The following AGBL1 variants were observed in gnomAD, a reference collection of about 807,000 sequenced individuals.
AGBL1 encodes AGBL carboxypeptidase 1, also known as cytosolic carboxypeptidase 4.
Under a neutral mutation model 118.9 loss-of-function variants are expected in AGBL1, and 130 were observed. That is an observed-to-expected ratio of 1.09 (90% confidence interval 0.95 to 1.26). The LOEUF (loss-of-function observed/expected upper bound fraction) is 1.26, where lower values mean the gene tolerates loss of function less well. Among genes scored for constraint, AGBL1 ranks in the 50% most tolerant of loss-of-function variants. The pLI is 0.00. For synonymous variants in AGBL1, 555 were observed against 478.9 expected (o/e 1.16, Z -2.08); for missense variants, 1,584 against 1,298.1 (o/e 1.22, Z -3.38).
chr15:86,970,639 GC>G (rs1347185808), intron 23 of AGBL1, among the ~76,000 whole-genome samples: 2 of 151,904 alleles, frequency 1.3e-5, no homozygotes, highest in Non-Finnish European at 2.9e-5. Context: ...TAATGCAGAA[GC>G]AATATGTGAT....
chr15:86,223,868 C>CT (rs1363140183), intron 5 of AGBL1, among the ~76,000 whole-genome samples: 4 of 152,152 alleles, frequency 2.6e-5, no homozygotes, highest in Non-Finnish European at 5.9e-5. Flanking sequence ...TCAGTATTAG[C>CT]TAATATATTG....
intron 22 of AGBL1, among the ~76,000 whole-genome samples, chr15:86,700,238 T>C (rs2086332644): frequency 6.6e-6 from 1 of 152,020 alleles, no homozygotes; most frequent in African/African-American, 2.4e-5. Flanking sequence ...TCCTAAATGT[T>C]GATAGTGGGA....
At chr15:86,208,821 C>T (rs769247213) in intron 5 of AGBL1, among the ~76,000 whole-genome samples, 71 of 152,138 alleles carry the variant, frequency 4.7e-4, no homozygotes, top group African/African-American at 1.6e-3. Flanking sequence ...CTATCTCCTT[C>T]GGTTCTGCTC....
At chr15:86,923,793 C>T (rs940358760) in intron 23 of AGBL1, among the ~76,000 whole-genome samples, 8 of 152,020 alleles carry the variant, frequency 5.3e-5, no homozygotes, top group African/African-American at 1.9e-4. Context: ...TATTATTTTC[C>T]TCATTATATG....
intron 22 of AGBL1, among the ~76,000 whole-genome samples, chr15:86,862,761 C>T (rs1264570258): frequency 6.6e-6 from 1 of 152,108 alleles, no homozygotes; most frequent in African/African-American, 2.4e-5. Flanking sequence ...AAACAAAGTT[C>T]TTTTTACCAT....
At chr15:86,923,546 C>A (rs193165891) in intron 23 of AGBL1, among the ~76,000 whole-genome samples, 1 of 152,194 alleles carries the variant, frequency 6.6e-6, no homozygotes, top group Non-Finnish European at 1.5e-5. Context: ...TATCCATGAA[C>A]GCTTAAAGCA....
rs1440745473 is a variant in AGBL1 at position 86,908,145 on chromosome 15, T to C, written c.*851T>C. ...AGTTTTCTTATATATAAAATGTGGA[T>C]AAGTATATCTATATCATAAAATTAT... is the stretch of plus-strand genomic sequence containing the variant. On this transcript the variant is annotated 3_prime_UTR_variant, in exon 23 of 23. Coordinates refer to ENST00000614907, the MANE Select transcript of AGBL1 (RefSeq NM_001386094.1). The C allele has an allele frequency of 1.3e-5, 2 of 152,182 alleles. No homozygotes were observed. The highest frequency in any genetic ancestry group is 2.9e-5 in the Non-Finnish European group (2 of 68,030). 9.4% of individuals were successfully genotyped at this position (152,182 alleles called of 1,614,324 possible). A position where few individuals can be genotyped will look rare whatever the true frequency, so the allele number is the denominator to read the frequency against.
rs1342981078 is a variant in AGBL1 at position 86,915,133 on chromosome 15, G to A, written c.*7839G>A. The A allele has an allele frequency of 6.6e-6, 1 of 152,168 alleles. No individual in the cohort carries two copies. Among genetic ancestry groups the A allele is most frequent in the Non-Finnish European group, 1.5e-5 (1 of 68,040 alleles). 9.4% of individuals were successfully genotyped at this position (152,168 alleles called of 1,614,324 possible). ...AGTGTGAATCTTAGCTTTGGTTGGA[G>A]TCCAAAGCTAAGAATCAGACTCGGT... On this transcript the variant is annotated 3_prime_UTR_variant, in exon 23 of 23. Coordinates refer to ENST00000614907, the MANE Select transcript of AGBL1 (RefSeq NM_001386094.1).
At chr15:86,138,604 T>C (rs1470511963) in intron 1 of AGBL1, among the ~76,000 whole-genome samples, 2 of 152,248 alleles carry the variant, frequency 1.3e-5, no homozygotes. Context: ...AATCATTGAA[T>C]GAAAATAAAT....
chr15:86,837,815 A>T (rs1185056369), intron 22 of AGBL1, among the ~76,000 whole-genome samples: 1 of 152,194 alleles, frequency 6.6e-6, no homozygotes, highest in Non-Finnish European at 1.5e-5. Context: ...CAGAAATCAG[A>T]AGTTTACTGG....
chr15:86,378,603 C>G (rs1230559212), intron 17 of AGBL1, among the ~76,000 whole-genome samples: 2 of 152,184 alleles, frequency 1.3e-5, no homozygotes, highest in East Asian at 1.9e-4. Context: ...ATAGGTGATA[C>G]TGAGCATTTC....
At chr15:86,647,089 T>A (rs1309725565) in intron 21 of AGBL1, among the ~76,000 whole-genome samples, 1 of 152,166 alleles carries the variant, frequency 6.6e-6, no homozygotes, top group Non-Finnish European at 1.5e-5. Flanking sequence ...CAAATGAAAG[T>A]GTAGCAAATT....
In AGBL1 at chr15:86,833,250, C is replaced by T. The variant is rs532236878; in HGVS notation, c.3159-73837C>T. 3.4e-4 allele frequency among the ~76,000 whole-genome samples: 52 copies of T among 152,142 alleles called. 1 individual carries two copies. The South Asian group carries it at 0.011, about 32-fold the overall frequency. On this transcript the variant is annotated intron_variant, in intron 22 of 22. Coordinates refer to ENST00000614907, the MANE Select transcript of AGBL1 (RefSeq NM_001386094.1). ...AAAAGAGTATGTCCTTGGGCACATG[C>T]CCATGAGATTCACAAATCATGTAAT... is the stretch of plus-strand genomic sequence containing the variant.
intron 24 of AGBL1, among the ~76,000 whole-genome samples, chr15:87,013,508 C>A (rs1414335830): frequency 7.1e-6 from 1 of 141,732 alleles, no homozygotes; most frequent in Non-Finnish European, 1.5e-5. Flanking sequence ...AAATAATAAT[C>A]TATTTTTTCT....
chr15:86,881,381 C>G (rs1384736899), intron 22 of AGBL1, among the ~76,000 whole-genome samples: 1 of 152,180 alleles, frequency 6.6e-6, no homozygotes, highest in Non-Finnish European at 1.5e-5. Context: ...CTCATGTCCA[C>G]TTGGTAATCT....
intron 22 of AGBL1, among the ~76,000 whole-genome samples, chr15:86,770,966 CTGGACTATTG>C (rs2078170418): frequency 1.3e-5 from 2 of 152,026 alleles, no homozygotes; most frequent in South Asian, 4.1e-4. Context: ...GAGTGCAGTC[CTGGACTATTG>C]GCAGGATTGA....
chr15:86,522,823 C>T lies in AGBL1; in HGVS notation c.2569C>T (p.Leu857=). 2 of 1,613,674 alleles carry T rather than the reference C, an allele frequency of 1.2e-6. No homozygotes were observed. Among genetic ancestry groups the T allele is most frequent in the Non-Finnish European group, 1.7e-6 (2 of 1,179,620 alleles). The change falls in exon 19 of 23, where the codon CTG becomes TTG. Residue 857 remains leucine, a synonymous_variant. Transcript: ENST00000614907. Reference sequence around the variant, plus strand: ...TTGTTCCTGTAGCCACAGATGCTCACTGAGCGGGGAAGATTTGAACAGACA... The same window carrying T: ...TTGTTCCTGTAGCCACAGATGCTCATTGAGCGGGGAAGATTTGAACAGACA... The part of the protein sequence containing the change: ...GVINGNHRCS[L]SGEDLNRQWL...
intron 22 of AGBL1, among the ~76,000 whole-genome samples, chr15:86,888,638 T>C (rs1331505056): frequency 1.3e-5 from 2 of 152,082 alleles, no homozygotes; most frequent in African/African-American, 2.4e-5. Context: ...AGAGATCTCA[T>C]TGGGGATATA....
chr15:86,753,085 A>G (rs2077879384), intron 22 of AGBL1, among the ~76,000 whole-genome samples: 1 of 152,024 alleles, frequency 6.6e-6, no homozygotes, highest in Admixed American at 6.6e-5. Context: ...TGTTCTGTAA[A>G]TTTGTTACCC....
Sources: allele counts gnomAD v4.1 joint callset (sites outside exome capture counted in the v4.1 genomes callset), GRCh38; gene constraint gnomAD v4.1.1; transcripts MANE v1.5; gene names NCBI Gene and HGNC (gene_info 2026-07-23, HGNC 2026-07-21).